NDE1: variants seen among roughly 807,000 people sequenced by gnomAD.
NDE1 encodes the protein nudE neurodevelopment protein 1.
A neutral mutation model predicts 43.4 loss-of-function variants in NDE1; 28 were observed. The observed-to-expected ratio is 0.65, with a 90% CI of 0.48 to 0.89. NDE1 has a LOEUF of 0.89. Ranked by LOEUF, NDE1 falls within the 40% of genes least tolerant of loss-of-function variation. The probability of loss-of-function intolerance (pLI) is 0.00; values close to 1 mark genes in which losing one functional copy is unlikely to be tolerated. For synonymous variants in NDE1, 184 were observed against 172.0 expected, an observed-to-expected ratio of 1.07 and a Z score of -0.55; for missense variants, 441 against 434.1, an observed-to-expected ratio of 1.02 and a Z score of -0.14.
chr16:15,706,579 C>T (rs1186364557), intron 8 of NDE1, among the ~76,000 whole-genome samples: 4 of 152,006 alleles, frequency 2.6e-5, no homozygotes, highest in African/African-American at 4.8e-5. Context: ...TGGTGGCAGG[C>T]GCCTGGAATC....
At position 15,718,509 on chromosome 16, in the gene NDE1, C is replaced by T. The variant is rs1024380067; in HGVS notation, c.948-5682C>T. On this transcript the variant is annotated intron_variant, in intron 8 of 8. Transcript: ENST00000396354. ...TTAAAAGATGCCCCCTCCTTGGAGT[C>T]ATGCCTCAGGGGTATTGCCCTCATC... 7.2e-6 allele frequency: 11 copies of T among 1,527,892 alleles called. No homozygotes were observed. The African/African-American group carries it at 1.2e-4, about 17-fold the overall frequency. The allele number at this position is 1,527,892 out of a possible 1,614,324, so 94.6% of individuals were successfully genotyped here.
intron 4 of NDE1, among the ~76,000 whole-genome samples, chr16:15,681,470 G>T (rs2038180701): frequency 6.6e-6 from 1 of 151,510 alleles, no homozygotes. Flanking sequence ...TTTCCATGTT[G>T]CCTAGGCTGG....
chr16:15,676,409 A>C (rs2037882902), intron 3 of NDE1, among the ~76,000 whole-genome samples: 1 of 151,094 alleles, frequency 6.6e-6, no homozygotes, highest in Non-Finnish European at 1.5e-5. Context: ...TCCAGATTTC[A>C]CCATGTTTTC....
At chr16:15,685,934 G>A (rs2038413840) in intron 4 of NDE1, among the ~76,000 whole-genome samples, 1 of 151,412 alleles carries the variant, frequency 6.6e-6, no homozygotes, top group South Asian at 2.1e-4. Flanking sequence ...TAAAACATCT[G>A]TTGTGTGCTT....
rs139373715 is a variant in NDE1, at chr16:15,719,983, G to A, written c.948-4208G>A. Among the ~76,000 whole-genome samples the A allele has an allele frequency of 2.0e-5, 3 of 152,226 alleles. No individual in the cohort carries two copies. In the East Asian group the frequency reaches 5.8e-4, roughly 30 times the overall value. Reference sequence around the variant, plus strand: ...TACCTAATAATGCTGCCCTACCCAGGGCAGGAGACAGCCACCAAATCCTGA... The same window carrying A: ...TACCTAATAATGCTGCCCTACCCAGAGCAGGAGACAGCCACCAAATCCTGA... On this transcript the variant is annotated intron_variant, in intron 8 of 8. Transcript: ENST00000396354.
At chr16:15,694,063 C>G (rs1428781932) in intron 6 of NDE1, 102 bp from the exon 7 acceptor site, 2 of 1,334,466 alleles carry the variant, frequency 1.5e-6, no homozygotes, top group African/African-American at 2.9e-5. Flanking sequence ...CGAGGAAAGG[C>G]GTCAGTGTCC....
intron 4 of NDE1, among the ~76,000 whole-genome samples, chr16:15,679,221 T>A (rs2038048660): frequency 6.6e-6 from 1 of 152,062 alleles, no homozygotes; most frequent in Admixed American, 6.6e-5. Flanking sequence ...GCCTGAAACT[T>A]CTGGGAGCAA....
intron 8 of NDE1, chr16:15,721,309 C>T (rs928989253): frequency 7.1e-6 from 9 of 1,268,162 alleles, no homozygotes; most frequent in Admixed American, 5.6e-5. Flanking sequence ...CTTCCATTTC[C>T]GATGATAGTT....
At chr16:15,693,176 T>C (rs1159051428) in intron 6 of NDE1, among the ~76,000 whole-genome samples, 1 of 152,114 alleles carries the variant, frequency 6.6e-6, no homozygotes, top group Non-Finnish European at 1.5e-5. Context: ...CAGCTAATTT[T>C]GTATTTTTAG....
chr16:15,714,527 A>G (rs1177279621), intron 8 of NDE1: 1 of 366,296 alleles, frequency 2.7e-6, no homozygotes, highest in Non-Finnish European at 5.2e-6. Context: ...GGAGCAGAGC[A>G]TGTCAGGAAG....
intron 8 of NDE1, among the ~76,000 whole-genome samples, chr16:15,722,418 C>G (rs575155594): frequency 6.6e-5 from 10 of 152,262 alleles, no homozygotes; most frequent in African/African-American, 2.2e-4. Context: ...TCAGAGAGAA[C>G]AGAGCAGATT....
At chr16:15,649,855 T>G (rs1203772353), upstream of NDE1, among the ~76,000 whole-genome samples, 1 of 152,260 alleles carries the variant, frequency 6.6e-6, no homozygotes, top group African/African-American at 2.4e-5. Flanking sequence ...CCTGAATCTT[T>G]GTCTTTCCTT....
At chr16:15,674,601 C>T (rs758686959) in intron 3 of NDE1, among the ~76,000 whole-genome samples, 1 of 152,178 alleles carries the variant, frequency 6.6e-6, no homozygotes, top group Non-Finnish European at 1.5e-5. Context: ...CTCCATGCTA[C>T]AACGGAGAGT....
chr16:15,643,529 C>G (rs79063947), exon 1 of NDE1: 12 of 361,782 alleles, frequency 3.3e-5, no homozygotes, highest in African/African-American at 2.6e-4. Flanking sequence ...GGAGGGAAGG[C>G]GATTTGAACG....
intron 4 of NDE1, among the ~76,000 whole-genome samples, chr16:15,678,218 C>T (rs1018873499): frequency 2.0e-5 from 3 of 152,090 alleles, no homozygotes; most frequent in Non-Finnish European, 2.9e-5. Flanking sequence ...GAGCGTCAGG[C>T]GAGCCTTACC....
rs756832190 is a variant in NDE1, at chr16:15,720,151, C to G, written c.948-4040C>G. On this transcript the variant is annotated intron_variant, in intron 8 of 8. Coordinates refer to ENST00000396354, the MANE Select transcript of NDE1 (RefSeq NM_017668.3). Reference sequence around the variant, plus strand: ...GCCCCAAGCTCCTAGTGTCACCCACCTGCAGTTTGCGTAGCTGCTTGATGG... The same window carrying G: ...GCCCCAAGCTCCTAGTGTCACCCACGTGCAGTTTGCGTAGCTGCTTGATGG... 26 of 1,614,018 alleles carry G rather than the reference C, an allele frequency of 1.6e-5. 1 individual carries two copies. In the East Asian group the frequency reaches 5.8e-4, roughly 36 times the overall value.
rs193209876 is a variant in NDE1 at position 15,708,289 on chromosome 16, C to T, written c.947+11429C>T. Among the ~76,000 whole-genome samples, 220 of 152,262 alleles carry T rather than the reference C, an allele frequency of 1.4e-3. 1 individual carries two copies. The highest frequency in any genetic ancestry group is 2.0e-3 in the Non-Finnish European group (134 of 68,020). On this transcript the variant is annotated intron_variant, in intron 8 of 8. Transcript: ENST00000396354. ...GCTGAATCATGGGAGGACTGGTTGC[C>T]GCGCCGCAGTTACCGTGAACTTTGT...
At chr16:15,718,618 A>C in intron 8 of NDE1, 1 of 938,108 alleles carries the variant, frequency 1.1e-6, no homozygotes, top group Non-Finnish European at 1.6e-6. Flanking sequence ...GCCGGGACTC[A>C]GGCCGGGTCC....
At chr16:15,646,900 A>G (rs1227591689), upstream of NDE1, among the ~76,000 whole-genome samples, 1 of 151,694 alleles carries the variant, frequency 6.6e-6, no homozygotes, top group Non-Finnish European at 1.5e-5. Flanking sequence ...AAATAGAAAA[A>G]TTAGGTGGGC....
Sources: allele counts gnomAD v4.1 joint callset (sites outside exome capture counted in the v4.1 genomes callset), GRCh38; gene constraint gnomAD v4.1.1; transcripts MANE v1.5; gene names NCBI Gene and HGNC (gene_info 2026-07-23, HGNC 2026-07-21).